The following CATSPERE variants were observed in gnomAD, a reference collection of about 807,000 sequenced individuals.
The protein encoded by CATSPERE is cation channel sperm-associated auxiliary subunit epsilon.
Under a neutral mutation model 114.1 loss-of-function variants are expected in CATSPERE, and 93 were observed. The ratio of observed to expected loss-of-function variants is 0.81; its 90% CI spans 0.69 to 0.97. The LOEUF is 0.97. CATSPERE is among the 50% of genes least tolerant of loss of function. The pLI, the probability that CATSPERE is intolerant of heterozygous loss-of-function variation, is 0.00. For synonymous variants in CATSPERE, 341 were observed against 384.1 expected, an observed-to-expected ratio of 0.89 and a Z score of 1.31; for missense variants, 1,058 against 1,131.6, an observed-to-expected ratio of 0.93 and a Z score of 0.93.
intron 8 of CATSPERE, among the ~76,000 whole-genome samples, chr1:244,538,686 TC>T (rs1406649141): frequency 6.6e-6 from 1 of 152,110 alleles, no homozygotes; most frequent in Non-Finnish European, 1.5e-5. Flanking sequence ...ACACACAGAT[TC>T]CCCTAGGCCC....
intron 17 of CATSPERE, among the ~76,000 whole-genome samples, chr1:244,601,114 A>C (rs1210164440): frequency 6.6e-6 from 1 of 152,220 alleles, no homozygotes; most frequent in Non-Finnish European, 1.5e-5. Flanking sequence ...TCTAGACATG[A>C]AAATGTAGTC....
At chr1:244,578,325 G>A (rs1037178689) in intron 11 of CATSPERE, among the ~76,000 whole-genome samples, 1 of 152,002 alleles carries the variant, frequency 6.6e-6, no homozygotes, top group African/African-American at 2.4e-5. Flanking sequence ...GCTAATTTTT[G>A]TATTTTCAGT....
chr1:244,600,393 A>G (rs1669041430), intron 17 of CATSPERE, among the ~76,000 whole-genome samples: 1 of 151,934 alleles, frequency 6.6e-6, no homozygotes. Flanking sequence ...GAGACTAGAA[A>G]ACTCTGCTAA....
intron 10 of CATSPERE, among the ~76,000 whole-genome samples, chr1:244,570,498 T>C (rs1261710020): frequency 6.6e-6 from 1 of 152,236 alleles, no homozygotes; most frequent in Non-Finnish European, 1.5e-5. Context: ...AGTTAAATGG[T>C]TATTTCATTT....
At chr1:244,564,858 T>C (rs1013582116) in intron 10 of CATSPERE, among the ~76,000 whole-genome samples, 1 of 152,178 alleles carries the variant, frequency 6.6e-6, no homozygotes, top group Non-Finnish European at 1.5e-5. Context: ...AGCTTTTGCC[T>C]ATTCAGTATG....
chr1:244,574,047 A>T (rs959010453), intron 11 of CATSPERE, among the ~76,000 whole-genome samples: 1 of 152,220 alleles, frequency 6.6e-6, no homozygotes, highest in African/African-American at 2.4e-5. Flanking sequence ...TATCCTTTAC[A>T]GGGCTTGTCC....
At chr1:244,625,637 C>T (rs1673090984) in intron 20 of CATSPERE, among the ~76,000 whole-genome samples, 1 of 149,690 alleles carries the variant, frequency 6.7e-6, no homozygotes, top group African/African-American at 2.5e-5. Flanking sequence ...CCATCTTGGC[C>T]AGGATGGTCT....
chr1:244,509,156 TAGAG>T (rs1675304142), intron 7 of CATSPERE, among the ~76,000 whole-genome samples: 2 of 152,136 alleles, frequency 1.3e-5, no homozygotes, highest in South Asian at 2.1e-4. Flanking sequence ...ATCCAGTTCT[TAGAG>T]GGAGAAGCTT....
intron 2 of CATSPERE, among the ~76,000 whole-genome samples, chr1:244,466,074 A>G (rs1462688261): frequency 6.6e-6 from 1 of 152,218 alleles, no homozygotes; most frequent in African/African-American, 2.4e-5. Context: ...GCCTTTTCAC[A>G]GTCTACAGAA....
chr1:244,537,859 A>G (rs1319348441), intron 8 of CATSPERE, among the ~76,000 whole-genome samples: 2 of 152,250 alleles, frequency 1.3e-5, no homozygotes, highest in African/African-American at 2.4e-5. Flanking sequence ...ATAAGTATCC[A>G]TTAAATCTAG....
At chr1:244,472,568 C>G (rs962710944) in intron 2 of CATSPERE, among the ~76,000 whole-genome samples, 5 of 152,292 alleles carry the variant, frequency 3.3e-5, no homozygotes, top group Admixed American at 3.3e-4. Context: ...TGCCCTATTA[C>G]TGACATCTTG....
chr1:244,473,208 C>T (rs778814343), intron 2 of CATSPERE, among the ~76,000 whole-genome samples: 9 of 152,272 alleles, frequency 5.9e-5, no homozygotes, highest in South Asian at 4.1e-4. Context: ...ATGGCTGTAC[C>T]GTTCTACATT....
chr1:244,595,734 A>G (rs1447535504), intron 17 of CATSPERE, among the ~76,000 whole-genome samples: 1 of 152,314 alleles, frequency 6.6e-6, no homozygotes, highest in East Asian at 1.9e-4. Flanking sequence ...GATCAAGACC[A>G]TCCTGGCTAA....
chr1:244,527,626 G>A (rs1678861159), intron 8 of CATSPERE, among the ~76,000 whole-genome samples: 1 of 152,188 alleles, frequency 6.6e-6, no homozygotes, highest in Non-Finnish European at 1.5e-5. Context: ...AATAAAGACA[G>A]GGATAGGAAA....
chr1:244,557,304 G>A (rs752273578), intron 9 of CATSPERE, among the ~76,000 whole-genome samples: 10 of 151,302 alleles, frequency 6.6e-5, no homozygotes, highest in African/African-American at 1.7e-4. Context: ...GTTAATCAGA[G>A]TCTATAGAAG....
intron 8 of CATSPERE, among the ~76,000 whole-genome samples, chr1:244,522,440 C>T: frequency 6.6e-6 from 1 of 152,124 alleles, no homozygotes; most frequent in East Asian, 1.9e-4. Context: ...AAAGCAAGAG[C>T]AAACACATTC....
intron 7 of CATSPERE, among the ~76,000 whole-genome samples, chr1:244,517,034 A>G (rs1676750239): frequency 6.6e-6 from 1 of 152,110 alleles, no homozygotes; most frequent in South Asian, 2.1e-4. Flanking sequence ...GTGAAAAATT[A>G]TGCAGACATT....
chr1:244,513,063 A>G (rs1448423155), intron 7 of CATSPERE, among the ~76,000 whole-genome samples: 1 of 152,228 alleles, frequency 6.6e-6, no homozygotes, highest in Non-Finnish European at 1.5e-5. Context: ...TTGGGCCTCC[A>G]GGTGGCTTGC....
intron 3 of CATSPERE, 88 bp downstream of exon 3, chr1:244,477,702 T>A: frequency 9.4e-7 from 1 of 1,065,216 alleles, no homozygotes; most frequent in Non-Finnish European, 1.4e-6. Context: ...GGCTGTGATT[T>A]AATATAAATT....
Sources: gnomAD v4.1 joint callset for allele counts (sites outside exome capture counted in the v4.1 genomes callset) on GRCh38, gnomAD v4.1.1 for gene constraint, MANE v1.5 for transcripts, NCBI Gene and HGNC (gene_info 2026-07-23, HGNC 2026-07-21) for gene names.